Variants in ARK2C observed in about 807,000 individuals in gnomAD.
ARK2C encodes E3 ubiquitin-protein ligase ARK2C.
chr18:46,448,698 G>A, the ARK2C span, among the ~76,000 whole-genome samples: 2 of 152,144 alleles, frequency 1.3e-5, no homozygotes, highest in Non-Finnish European at 2.9e-5. Flanking sequence ...TTTTCAGAGG[G>A]CAGGCCTTCT....
At chr18:46,362,823 G>A in the ARK2C span, among the ~76,000 whole-genome samples, 9 of 152,242 alleles carry the variant, frequency 5.9e-5, no homozygotes, top group South Asian at 2.1e-4. Flanking sequence ...CACAACATAC[G>A]AGAGCCAAGA....
chr18:46,441,980 C>A, the ARK2C span, among the ~76,000 whole-genome samples: 4 of 149,718 alleles, frequency 2.7e-5, no homozygotes, highest in Non-Finnish European at 5.9e-5. Flanking sequence ...CTGGCTGACA[C>A]GGTGAAACCC....
At chr18:46,400,040 G>T in the ARK2C span, among the ~76,000 whole-genome samples, 2 of 152,202 alleles carry the variant, frequency 1.3e-5, no homozygotes, top group South Asian at 4.1e-4. Context: ...GGCCCCTGGG[G>T]TGCTGGGCAC....
chr18:46,426,503 A>G, the ARK2C span, among the ~76,000 whole-genome samples: 2 of 152,058 alleles, frequency 1.3e-5, no homozygotes, highest in African/African-American at 4.8e-5. Context: ...CGAGCCCAGC[A>G]CCTGTGGGTT....
chr18:46,452,603 A>G, the ARK2C span, among the ~76,000 whole-genome samples: 1 of 152,118 alleles, frequency 6.6e-6, no homozygotes, highest in Non-Finnish European at 1.5e-5. Flanking sequence ...TTTTATGTAA[A>G]CTAGAACTGC....
At chr18:46,400,237 C>T in the ARK2C span, among the ~76,000 whole-genome samples, 3 of 152,306 alleles carry the variant, frequency 2.0e-5, no homozygotes, top group African/African-American at 7.2e-5. Flanking sequence ...CTCCTCTGAG[C>T]CTTTCACCCT....
chr18:46,453,231 G>A, the ARK2C span, among the ~76,000 whole-genome samples: 1 of 152,348 alleles, frequency 6.6e-6, no homozygotes, highest in East Asian at 1.9e-4. Flanking sequence ...CAGCATTTCA[G>A]TAATTAAGGG....
the ARK2C span, among the ~76,000 whole-genome samples, chr18:46,389,808 A>C: frequency 1.6e-4 from 24 of 151,858 alleles, no homozygotes; most frequent in Admixed American, 1.4e-3. Context: ...GGCTCACTGC[A>C]GCCTCGACTG....
At chr18:46,424,792 GC>G in the ARK2C span, among the ~76,000 whole-genome samples, 1 of 152,206 alleles carries the variant, frequency 6.6e-6, no homozygotes, top group South Asian at 2.1e-4. Context: ...GAGGGGAAGT[GC>G]CCTGGCCTTT....
chr18:46,366,847 C>G, the ARK2C span, among the ~76,000 whole-genome samples: 3 of 152,176 alleles, frequency 2.0e-5, no homozygotes, highest in African/African-American at 4.8e-5. Context: ...GTGCTAGGTA[C>G]TAGGGAAACC....
At chr18:46,373,819 C>T in the ARK2C span, among the ~76,000 whole-genome samples, 1 of 152,198 alleles carries the variant, frequency 6.6e-6, no homozygotes. Context: ...ACCGTGCAGC[C>T]AGAGAAAGGC....
At chr18:46,402,902 G>A in the ARK2C span, among the ~76,000 whole-genome samples, 30,042 of 152,140 alleles carry the variant, frequency 0.2, 3,510 homozygotes, top group Non-Finnish European at 0.27. Flanking sequence ...CCTTCCTGGT[G>A]TCTCAGGACA....
At chr18:46,420,329 C>T in the ARK2C span, among the ~76,000 whole-genome samples, 12 of 152,246 alleles carry the variant, frequency 7.9e-5, no homozygotes, top group South Asian at 6.2e-4. Context: ...GGGCATCAGA[C>T]GAAACAATTC....
At chr18:46,337,000 T>G in the ARK2C span, 1 of 985,310 alleles carries the variant, frequency 1.0e-6, no homozygotes, top group African/African-American at 1.7e-5. Flanking sequence ...ATTGTTTAAT[T>G]GTACAATGTC....
the ARK2C span, among the ~76,000 whole-genome samples, chr18:46,383,700 A>G: frequency 1.7e-4 from 26 of 152,024 alleles, no homozygotes; most frequent in South Asian, 4.2e-4. Context: ...GACTACAGGC[A>G]GCCACCACCG....
the ARK2C span, among the ~76,000 whole-genome samples, chr18:46,434,759 G>A: frequency 7.2e-5 from 11 of 152,146 alleles, no homozygotes; most frequent in East Asian, 3.9e-4. Flanking sequence ...GAAGGTGAGC[G>A]CTGTAGGAGG....
chr18:46,371,103 T>C, the ARK2C span, among the ~76,000 whole-genome samples: 3 of 152,146 alleles, frequency 2.0e-5, no homozygotes, highest in African/African-American at 7.2e-5. Flanking sequence ...AGAGGGTGTG[T>C]GCAGAGGAAC....
the ARK2C span, among the ~76,000 whole-genome samples, chr18:46,426,585 TA>T: frequency 1.1e-3 from 172 of 152,316 alleles, no homozygotes; most frequent in African/African-American, 3.9e-3. Flanking sequence ...CCCCCTGCTT[TA>T]TGGTACAGCT....
chr18:46,405,461 G>T, the ARK2C span, among the ~76,000 whole-genome samples: 5 of 152,194 alleles, frequency 3.3e-5, no homozygotes, highest in African/African-American at 1.2e-4. Flanking sequence ...GGACAGGAGG[G>T]CTGCAGACAC....
Sources: allele counts gnomAD v4.1 joint callset (sites outside exome capture counted in the v4.1 genomes callset), GRCh38; gene constraint gnomAD v4.1.1; transcripts MANE v1.5; gene names NCBI Gene and HGNC (gene_info 2026-07-23, HGNC 2026-07-21).